The following SEC11A variants were observed in gnomAD, a reference collection of about 807,000 sequenced individuals.
SEC11A encodes SEC11 homolog A, signal peptidase complex subunit, also known as signal peptidase complex catalytic subunit SEC11A.
SEC11A carries 14 observed loss-of-function variants against 25.6 expected under a neutral mutation model. The observed-to-expected ratio is 0.55, with a 90% confidence interval of 0.36 to 0.85. The LOEUF is 0.85. SEC11A is among the 40% of genes least tolerant of loss of function. The probability of loss-of-function intolerance (pLI) is 0.01; values close to 1 mark genes in which losing one functional copy is unlikely to be tolerated. For synonymous variants in SEC11A, 83 were observed against 76.4 expected (o/e 1.09, Z -0.45); for missense variants, 153 against 222.9 (o/e 0.69, Z 2.00).
intron 1 of SEC11A, among the ~76,000 whole-genome samples, chr15:84,701,513 C>G (rs752154515): frequency 6.6e-6 from 1 of 151,680 alleles, no homozygotes; most frequent in East Asian, 1.9e-4. Context: ...CCACTGCACT[C>G]CAGCCTGGGC....
chr15:84,715,733 C>A (rs1200476821), intron 1 of SEC11A, among the ~76,000 whole-genome samples: 1 of 152,220 alleles, frequency 6.6e-6, no homozygotes, highest in Non-Finnish European at 1.5e-5. Flanking sequence ...GCAACCCCAA[C>A]TCCCACTTCA....
At chr15:84,699,711 G>C (rs1013161636) in intron 1 of SEC11A, among the ~76,000 whole-genome samples, 1 of 150,304 alleles carries the variant, frequency 6.7e-6, no homozygotes, top group Non-Finnish European at 1.5e-5. Context: ...GATAGCTTGA[G>C]CCCAGGAGTT....
At chr15:84,715,714 AAAC>A (rs1344229494) in intron 1 of SEC11A, among the ~76,000 whole-genome samples, 9 of 152,116 alleles carry the variant, frequency 5.9e-5, no homozygotes, top group Non-Finnish European at 1.0e-4. Flanking sequence ...AAAATGACTA[AAAC>A]AATAAGCAAC....
chr15:84,698,708 A>C (rs2141907293), intron 1 of SEC11A, among the ~76,000 whole-genome samples: 1 of 152,332 alleles, frequency 6.6e-6, no homozygotes, highest in South Asian at 2.1e-4. Flanking sequence ...TAACATATAC[A>C]AACACATGTA....
chr15:84,672,975 A>G, intron 4 of SEC11A: 1 of 202,110 alleles, frequency 4.9e-6, no homozygotes. Flanking sequence ...AAGTGAGGAG[A>G]CCCTCTGCCT....
At chr15:84,704,882 G>A (rs1898049180) in intron 1 of SEC11A, among the ~76,000 whole-genome samples, 2 of 151,792 alleles carry the variant, frequency 1.3e-5, no homozygotes, top group Non-Finnish European at 1.5e-5. Context: ...TCATCCTGGA[G>A]GATAGTAGCT....
At chr15:84,677,475 C>CT (rs1171786400) in intron 4 of SEC11A, among the ~76,000 whole-genome samples, 1,710 of 131,414 alleles carry the variant, frequency 0.013, 28 homozygotes, top group African/African-American at 0.04. Flanking sequence ...TTTTCTTTTT[C>CT]TTTTTTTTTT....
Position 84,716,114 on chromosome 15 carries a change from C to T in SEC11A, c.-39G>A. 5.0e-6 allele frequency: 8 copies of T among 1,602,522 alleles called. No individual in the cohort carries two copies. Among genetic ancestry groups the T allele is most frequent in the Non-Finnish European group, 6.8e-6 (8 of 1,170,600 alleles). On this transcript the variant is annotated 5_prime_UTR_variant, in exon 1 of 6. Coordinates refer to ENST00000268220, the MANE Select transcript of SEC11A (RefSeq NM_014300.4). Reference sequence around the variant, plus strand: ...AGCAGGACACCGGCAGGGGAAAGGGCGCGATGACCAGCGGGCGGAACTACT... The same window carrying T: ...AGCAGGACACCGGCAGGGGAAAGGGTGCGATGACCAGCGGGCGGAACTACT...
intron 1 of SEC11A, among the ~76,000 whole-genome samples, chr15:84,693,340 C>G (rs1278619922): frequency 4.1e-5 from 6 of 147,500 alleles, no homozygotes; most frequent in African/African-American, 1.3e-4. Context: ...TTGGCTGGAT[C>G]TTGGTTCAAA....
At chr15:84,705,109 G>C (rs1371912653) in intron 1 of SEC11A, among the ~76,000 whole-genome samples, 2 of 152,018 alleles carry the variant, frequency 1.3e-5, no homozygotes, top group Non-Finnish European at 2.9e-5. Context: ...ATTTCTTGTA[G>C]AGACGGGGTC....
chr15:84,682,595 C>T (rs1897309570), intron 3 of SEC11A, among the ~76,000 whole-genome samples: 1 of 151,992 alleles, frequency 6.6e-6, no homozygotes, highest in Admixed American at 6.6e-5. Flanking sequence ...ATTACAAGCG[C>T]CCGCCACCAC....
chr15:84,693,330 T>C (rs1897664826), intron 1 of SEC11A, among the ~76,000 whole-genome samples: 1 of 151,650 alleles, frequency 6.6e-6, no homozygotes, highest in African/African-American at 2.4e-5. Context: ...TGCACAAACT[T>C]TGGCTGGATC....
At chr15:84,715,904 T>C (rs1898449961) in intron 1 of SEC11A, 121 bp downstream of exon 1, 1 of 888,984 alleles carries the variant, frequency 1.1e-6, no homozygotes, top group Admixed American at 2.4e-5. Flanking sequence ...AGAAAGCGAA[T>C]GACCCGGGTA....
chr15:84,708,023 C>T (rs1304579504), intron 1 of SEC11A, among the ~76,000 whole-genome samples: 1 of 151,892 alleles, frequency 6.6e-6, no homozygotes, highest in African/African-American at 2.4e-5. Context: ...GCCTGGCCAA[C>T]ATGGTGAAAC....
intron 1 of SEC11A, among the ~76,000 whole-genome samples, chr15:84,707,181 C>CTTTTTTTT (rs35694643): frequency 1.1e-5 from 1 of 91,656 alleles, no homozygotes; most frequent in African/African-American, 4.1e-5. Context: ...TTGTGTGAGA[C>CTTTTTTTT]TTTTTTTTTT....
chr15:84,685,290 C>T (rs1183242591), intron 3 of SEC11A, among the ~76,000 whole-genome samples: 1 of 152,110 alleles, frequency 6.6e-6, no homozygotes, highest in African/African-American at 2.4e-5. Flanking sequence ...TACAGTCTCA[C>T]TCTGTTGCCC....
At chr15:84,684,914 G>A (rs1054122036) in intron 3 of SEC11A, among the ~76,000 whole-genome samples, 1 of 152,116 alleles carries the variant, frequency 6.6e-6, no homozygotes, top group Admixed American at 6.6e-5. Flanking sequence ...CTGGGCGAAA[G>A]AGCGAGACTC....
intron 1 of SEC11A, among the ~76,000 whole-genome samples, chr15:84,696,909 G>A (rs1048029183): frequency 7.2e-5 from 11 of 151,972 alleles, no homozygotes; most frequent in Non-Finnish European, 1.0e-4. Context: ...CCCACCGGGT[G>A]CAATGGCTTA....
intron 1 of SEC11A, among the ~76,000 whole-genome samples, chr15:84,709,299 T>C (rs1488783068): frequency 6.6e-6 from 1 of 151,706 alleles, no homozygotes; most frequent in African/African-American, 2.4e-5. Flanking sequence ...CCTGAGCAGC[T>C]GGTACTACAG....
Sources: allele counts gnomAD v4.1 joint callset (sites outside exome capture counted in the v4.1 genomes callset), GRCh38; gene constraint gnomAD v4.1.1; transcripts MANE v1.5; gene names NCBI Gene and HGNC (gene_info 2026-07-23, HGNC 2026-07-21).